Variants in LRRTM3 observed in about 807,000 individuals in gnomAD.
The protein encoded by LRRTM3 is leucine rich repeat transmembrane neuronal 3.
A neutral mutation model predicts 44.7 loss-of-function variants in LRRTM3; 24 were observed. The ratio of observed to expected loss-of-function variants is 0.54; its 90% CI spans 0.39 to 0.76. The LOEUF is 0.76. LRRTM3 is among the 30% of genes least tolerant of loss of function. The pLI, the probability that LRRTM3 is intolerant of heterozygous loss-of-function variation, is 0.00. For synonymous variants in LRRTM3, 277 were observed against 278.7 expected, an observed-to-expected ratio of 0.99 and a Z score of 0.06; for missense variants, 587 against 702.2, an observed-to-expected ratio of 0.84 and a Z score of 1.85.
rs1278266914 is a variant in LRRTM3, at chr10:67,100,834, C to T, written c.*3038C>T. Among the ~76,000 whole-genome samples, 10 of 151,758 alleles carry T rather than the reference C, an allele frequency of 6.6e-5. No individual in the cohort carries two copies. In the East Asian group the frequency reaches 1.9e-3, roughly 30 times the overall value. On this transcript the variant is annotated 3_prime_UTR_variant, in exon 3 of 3. Transcript: ENST00000361320. ...TGAGCTCTTACCCCAAAACACAGGG[C>T]CAATAATTGGTGCAGTTGAATTATT...
rs116062401 is a variant in LRRTM3, at chr10:66,994,927, G to A, written c.1536+66475G>A. Among the ~76,000 whole-genome samples, 323 of 152,284 alleles carry A rather than the reference G, an allele frequency of 2.1e-3. 4 individuals carry two copies. The highest frequency in any genetic ancestry group is 7.4e-3 in the African/African-American group (308 of 41,566). ...GCAACAAGTGGAAAACATGGGCTCA[G>A]CTAATACCACAACACACTGCCAAGA... On this transcript the variant is annotated intron_variant, in intron 2 of 2. Transcript: ENST00000361320.
At chr10:67,027,074 G>A (rs553087510) in intron 2 of LRRTM3, among the ~76,000 whole-genome samples, 28 of 152,310 alleles carry the variant, frequency 1.8e-4, no homozygotes, top group African/African-American at 2.9e-4. Flanking sequence ...CTCTGAGAGC[G>A]TAGATTTTTG....
intron 2 of LRRTM3, among the ~76,000 whole-genome samples, chr10:66,949,433 C>A (rs1589473700): frequency 6.6e-6 from 1 of 152,102 alleles, no homozygotes; most frequent in African/African-American, 2.4e-5. Flanking sequence ...TGGCATATGC[C>A]TGTAATCCCA....
chr10:66,981,531 A>G (rs1257770570), intron 2 of LRRTM3, among the ~76,000 whole-genome samples: 1 of 152,028 alleles, frequency 6.6e-6, no homozygotes, highest in Non-Finnish European at 1.5e-5. Context: ...GCATATCTCC[A>G]TTGCACTTCT....
intron 2 of LRRTM3, among the ~76,000 whole-genome samples, chr10:66,935,032 C>G (rs1241119268): frequency 6.6e-6 from 1 of 152,060 alleles, no homozygotes; most frequent in Non-Finnish European, 1.5e-5. Flanking sequence ...ATAGCTTCAA[C>G]TGGGTGGCCC....
At chr10:66,933,068 T>G (rs1008375881) in intron 2 of LRRTM3, among the ~76,000 whole-genome samples, 1 of 152,210 alleles carries the variant, frequency 6.6e-6, no homozygotes, top group Non-Finnish European at 1.5e-5. Flanking sequence ...AAGTACTTTG[T>G]AAACTCTAAA....
At chr10:67,075,570 C>G (rs1265830578) in intron 2 of LRRTM3, among the ~76,000 whole-genome samples, 1 of 152,162 alleles carries the variant, frequency 6.6e-6, no homozygotes, top group Non-Finnish European at 1.5e-5. Flanking sequence ...TTAACATTTT[C>G]TCAAAGTAAG....
chr10:67,075,444 G>A (rs117683837), intron 2 of LRRTM3, among the ~76,000 whole-genome samples: 4,455 of 152,154 alleles, frequency 0.029, 96 homozygotes, highest in Non-Finnish European at 0.045. Flanking sequence ...CTTGGGTCTG[G>A]GCACAAGTAG....
intron 2 of LRRTM3, among the ~76,000 whole-genome samples, chr10:66,983,502 A>G (rs894147650): frequency 2.0e-5 from 3 of 150,196 alleles, no homozygotes; most frequent in Non-Finnish European, 4.4e-5. Context: ...TGCATTTGTG[A>G]TTGTGGTTCT....
intron 2 of LRRTM3, among the ~76,000 whole-genome samples, chr10:67,091,480 A>G (rs1857634938): frequency 6.6e-6 from 1 of 152,016 alleles, no homozygotes; most frequent in Non-Finnish European, 1.5e-5. Flanking sequence ...TGCTTCAGAC[A>G]TGACCACCCC....
At chr10:66,951,144 G>A (rs908610877) in intron 2 of LRRTM3, among the ~76,000 whole-genome samples, 3 of 150,024 alleles carry the variant, frequency 2.0e-5, no homozygotes, top group Non-Finnish European at 3.0e-5. Flanking sequence ...TTAAGACAGA[G>A]TCTTGCTCTG....
At position 67,094,923 on chromosome 10, in the gene LRRTM3, T is replaced by C. The variant is rs180914342; in HGVS notation, c.1537-2664T>C. Among the ~76,000 whole-genome samples the C allele has an allele frequency of 7.9e-5, 12 of 151,746 alleles. No homozygotes were observed. In the East Asian group the frequency reaches 2.3e-3, roughly 29 times the overall value. ...TATAGATGTCATGAGTATGTAAAAG[T>C]GGTCCAAAACTGATGTATCACCAAA... On this transcript the variant is annotated intron_variant, in intron 2 of 2. Coordinates refer to ENST00000361320, the MANE Select transcript of LRRTM3 (RefSeq NM_178011.5).
At chr10:67,024,368 T>C (rs1853220662) in intron 2 of LRRTM3, among the ~76,000 whole-genome samples, 3 of 152,222 alleles carry the variant, frequency 2.0e-5, no homozygotes, top group African/African-American at 4.8e-5. Flanking sequence ...CCTTTGCAGG[T>C]ACATCAGTGA....
chr10:66,975,790 G>GT (rs1276425743), intron 2 of LRRTM3, among the ~76,000 whole-genome samples: 2 of 152,032 alleles, frequency 1.3e-5, no homozygotes, highest in Non-Finnish European at 2.9e-5. Context: ...CTTTCTGTCT[G>GT]TTTTTCTAAG....
At chr10:67,050,660 A>G (rs1490283058) in intron 2 of LRRTM3, among the ~76,000 whole-genome samples, 2 of 152,194 alleles carry the variant, frequency 1.3e-5, no homozygotes, top group Non-Finnish European at 2.9e-5. Context: ...CGTGTCCTGC[A>G]TGGAATTTAA....
At chr10:67,021,226 G>C (rs941808481) in intron 2 of LRRTM3, among the ~76,000 whole-genome samples, 1 of 152,024 alleles carries the variant, frequency 6.6e-6, no homozygotes, top group African/African-American at 2.4e-5. Flanking sequence ...GGAAAAAAAA[G>C]CTCAACTTTG....
chr10:66,958,308 C>CAAAA lies in LRRTM3; in HGVS notation c.1536+29879_1536+29882dup, dbSNP rs35076056. On this transcript the variant is annotated intron_variant, in intron 2 of 2. Transcript: ENST00000361320. ...TTTTTTTCCTCCACCTGCTTTCTTG[C>CAAAA]AAAAAAAAAAAAAAAAAAAAAAAAA... Among the ~76,000 whole-genome samples, 20 of 86,946 alleles carry CAAAA rather than the reference C, an allele frequency of 2.3e-4. 1 individual carries two copies. The highest frequency in any genetic ancestry group is 5.7e-4 in the African/African-American group (14 of 24,416). The allele number at this position is 86,946 out of a possible 152,430, so 57.0% of individuals were successfully genotyped here. A position where few individuals can be genotyped will look rare whatever the true frequency, so the allele number is the denominator to read the frequency against.
chr10:67,072,223 G>A (rs932666479), intron 2 of LRRTM3, among the ~76,000 whole-genome samples: 2 of 152,088 alleles, frequency 1.3e-5, no homozygotes, highest in Non-Finnish European at 2.9e-5. Flanking sequence ...CAAAGTGCTG[G>A]GATTATAGGC....
At chr10:67,019,858 G>A (rs929280405) in intron 2 of LRRTM3, among the ~76,000 whole-genome samples, 6 of 152,088 alleles carry the variant, frequency 3.9e-5, no homozygotes, top group African/African-American at 9.6e-5. Context: ...TTCCTCTTCC[G>A]TTCTTGCCTA....
Sources: allele counts gnomAD v4.1 joint callset (sites outside exome capture counted in the v4.1 genomes callset), GRCh38; gene constraint gnomAD v4.1.1; transcripts MANE v1.5; gene names NCBI Gene and HGNC (gene_info 2026-07-23, HGNC 2026-07-21).